Variants in AS3MT observed in about 807,000 individuals in gnomAD.
The protein encoded by AS3MT is S-adenosyl-L-methionine:arsenic(III) methyltransferase.
Under a neutral mutation model 45.3 loss-of-function variants are expected in AS3MT, and 47 were observed. That is an observed-to-expected ratio of 1.04 (90% CI 0.82 to 1.32). The LOEUF is 1.32. Ranked by LOEUF, AS3MT falls within the 40% of genes most tolerant of loss-of-function variation. The probability of loss-of-function intolerance (pLI) is 0.00; values close to 1 mark genes in which losing one functional copy is unlikely to be tolerated. For synonymous variants in AS3MT, 141 were observed against 152.8 expected, an observed-to-expected ratio of 0.92 and a Z score of 0.57; for missense variants, 396 against 451.1, an observed-to-expected ratio of 0.88 and a Z score of 1.11.
intron 7 of AS3MT, 69 bp from the exon 8 acceptor site, chr10:102,878,310 G>A (rs1210464545): frequency 6.4e-7 from 1 of 1,561,802 alleles, no homozygotes; most frequent in African/African-American, 1.4e-5. Context: ...TTATATAGAA[G>A]AATAGTTCCC....
rs768492742 is a variant in AS3MT at position 102,871,748 on chromosome 10, AAACAAAAC to A, written c.171-697_171-690del. On this transcript the variant is annotated intron_variant, in intron 3 of 10. Coordinates refer to ENST00000369880, the MANE Select transcript of AS3MT (RefSeq NM_020682.4). ...GTCTCAAACAAAACAAAACAAAACA[AAACAAAAC>A]AAATCAAAACAAAAAACGCCTATGG... Among the ~76,000 whole-genome samples, 1,240 of 151,724 alleles carry A rather than the reference AAACAAAAC, an allele frequency of 8.2e-3. 60 individuals are homozygous for A. The highest frequency in any genetic ancestry group is 0.074 in the Admixed American group (1,125 of 15,164).
chr10:102,879,878 T>C (rs895345600), intron 9 of AS3MT, among the ~76,000 whole-genome samples: 4 of 143,050 alleles, frequency 2.8e-5, no homozygotes, highest in Admixed American at 7.2e-5. Context: ...TTTTCCATGT[T>C]TGTGTGTTTA....
At chr10:102,895,347 C>T (rs1356118040) in intron 10 of AS3MT, among the ~76,000 whole-genome samples, 9 of 151,456 alleles carry the variant, frequency 5.9e-5, no homozygotes, top group African/African-American at 2.2e-4. Flanking sequence ...ACAGGTGCGC[C>T]AGCCACCATG....
chr10:102,879,596 T>C (rs959589903), intron 9 of AS3MT, among the ~76,000 whole-genome samples: 1 of 151,666 alleles, frequency 6.6e-6, no homozygotes, highest in Non-Finnish European at 1.5e-5. Context: ...CGAAAACCCA[T>C]CTCTACTAAT....
At chr10:102,891,948 CAAAAAAA>C (rs57594880) in intron 10 of AS3MT, among the ~76,000 whole-genome samples, 6 of 57,862 alleles carry the variant, frequency 1.0e-4, no homozygotes, top group Non-Finnish European at 1.8e-4. Flanking sequence ...GACTCTGTCT[CAAAAAAA>C]AAAAAAAAAA....
intron 10 of AS3MT, among the ~76,000 whole-genome samples, chr10:102,899,327 G>A (rs1488154240): frequency 1.3e-5 from 2 of 152,112 alleles, no homozygotes; most frequent in African/African-American, 2.4e-5. Flanking sequence ...AGGAGTTCCA[G>A]TATACTGAGA....
chr10:102,877,460 A>G (rs1462096902), intron 7 of AS3MT, among the ~76,000 whole-genome samples: 1 of 151,686 alleles, frequency 6.6e-6, no homozygotes, highest in Non-Finnish European at 1.5e-5. Context: ...CATGCTTTTC[A>G]TCAGTCTATG....
In AS3MT at chr10:102,870,154, C is replaced by T; in HGVS notation, c.113C>T (p.Pro38Leu). 6.2e-7 allele frequency: 1 copy of T among 1,614,194 alleles called. No homozygotes were observed. Among genetic ancestry groups the T allele is most frequent in the South Asian group, 1.1e-5 (1 of 91,082 alleles). ...QTNGCVTTAR[P>L]VPKHIREALQ... ...AACGGCTGTGTCACCACAGCCAGGC[C>T]GGTCCCCAAGCACATCCGGGAAGCC... The change falls in exon 3 of 11, where the codon CCG becomes CTG. Residue 38 changes from proline to leucine, a missense_variant. By Grantham distance (98) the Pro-to-Leu change is moderately conservative. Coordinates refer to ENST00000369880, the MANE Select transcript of AS3MT (RefSeq NM_020682.4).
chr10:102,896,005 A>T (rs1845162962), intron 10 of AS3MT, among the ~76,000 whole-genome samples: 2 of 151,664 alleles, frequency 1.3e-5, no homozygotes, highest in Non-Finnish European at 2.9e-5. Context: ...CAAACTCCTG[A>T]CCTCAGGTAA....
intron 9 of AS3MT, among the ~76,000 whole-genome samples, chr10:102,884,768 A>G (rs762607514): frequency 2.6e-5 from 4 of 152,096 alleles, no homozygotes; most frequent in Non-Finnish European, 5.9e-5. Context: ...GCTGGTCTCT[A>G]ACTCCTGACC....
Position 102,878,942 on chromosome 10 carries a change from T to A in AS3MT, c.836T>A (p.Ile279Asn), listed in dbSNP as rs1433440438. 8.7e-6 allele frequency: 14 copies of A among 1,613,768 alleles called. No homozygotes were observed. Among genetic ancestry groups the A allele is most frequent in the Non-Finnish European group, 1.2e-5 (14 of 1,179,744 alleles). Residue 279 changes from isoleucine (I) to asparagine (N), a missense_variant, in exon 9 of 11, where the codon ATT becomes AAT. Physicochemically the swap from Ile to Asn is moderately radical, Grantham distance 149 (BLOSUM62 -3). Transcript: ENST00000369880. The part of the protein sequence containing the change: ...KRCQVIYNGG[I>N]TGHEKELMFD... ...TGCCAAGTTATTTACAATGGAGGAA[T>A]TACAGGACATGAAAAAGAACTAATG...
chr10:102,900,710 C>A lies in AS3MT; in HGVS notation c.*10C>A. On this transcript the variant is annotated 3_prime_UTR_variant, in exon 11 of 11. Transcript: ENST00000369880. Reference sequence around the variant, plus strand: ...AAAGAAAAGCTGCTAAATCTATAGCCAACCAGGGGACCACAGTAGTGGGCA... The same window carrying A: ...AAAGAAAAGCTGCTAAATCTATAGCAAACCAGGGGACCACAGTAGTGGGCA... 1 of 1,603,830 alleles carries A rather than the reference C, an allele frequency of 6.2e-7. No individual in the cohort carries two copies. Among genetic ancestry groups the A allele is most frequent in the Non-Finnish European group, 8.5e-7 (1 of 1,170,708 alleles).
At chr10:102,899,365 T>C (rs976060272) in intron 10 of AS3MT, among the ~76,000 whole-genome samples, 30 of 152,166 alleles carry the variant, frequency 2.0e-4, no homozygotes, top group Non-Finnish European at 4.4e-5. Flanking sequence ...TGTGAAGTCC[T>C]AGCAGTAGCA....
At position 102,881,725 on chromosome 10, in the gene AS3MT, T is replaced by C. The variant is rs1305567583; in HGVS notation, c.885+2734T>C. 6.6e-6 allele frequency among the ~76,000 whole-genome samples: 1 copy of C among 152,036 alleles called. No homozygotes were observed. The highest frequency in any genetic ancestry group is 6.6e-5 in the Admixed American group (1 of 15,266). Reference sequence around the variant, plus strand: ...GAAGAACTTACTATTAATATTTCATTTTTCTGATTTATTTATTTATCTATT... The same window carrying C: ...GAAGAACTTACTATTAATATTTCATCTTTCTGATTTATTTATTTATCTATT... On this transcript the variant is annotated intron_variant, in intron 9 of 10. Coordinates refer to ENST00000369880, the MANE Select transcript of AS3MT (RefSeq NM_020682.4). The surrounding 1 kb of genome is among the most constrained non-coding windows in gnomAD (Gnocchi z 4.2).
intron 10 of AS3MT, among the ~76,000 whole-genome samples, chr10:102,899,038 T>C (rs1444623352): frequency 6.6e-6 from 1 of 152,226 alleles, no homozygotes; most frequent in Non-Finnish European, 1.5e-5. Flanking sequence ...ACTAGAAGCA[T>C]GCATTTAGAA....
At chr10:102,875,585 G>A (rs1276186707) in intron 6 of AS3MT, among the ~76,000 whole-genome samples, 1 of 151,174 alleles carries the variant, frequency 6.6e-6, no homozygotes, top group Non-Finnish European at 1.5e-5. Context: ...TGGAGTTTGT[G>A]TGCAGCTTGG....
At position 102,872,495 on chromosome 10, in the gene AS3MT, G is replaced by A; in HGVS notation, c.218G>A (p.Trp73Ter). The A allele has an allele frequency of 1.9e-6, 3 of 1,614,066 alleles. No homozygotes were observed. The highest frequency in any genetic ancestry group is 2.5e-6 in the Non-Finnish European group (3 of 1,180,006). The change falls in exon 4 of 11, where the codon TGG becomes TAG. Residue 73 changes from tryptophan to a stop codon, truncating the protein, a stop_gained. Transcript: ENST00000369880. LOFTEE classifies it high-confidence loss of function. Reference sequence around the variant, plus strand: ...ATCCCTGAGCATCTAGAAAACTGCTGGATTTTGGATCTGGGTAGTGGAAGT... The same window carrying A: ...ATCCCTGAGCATCTAGAAAACTGCTAGATTTTGGATCTGGGTAGTGGAAGT... ...LVIPEHLENC[W>*]ILDLGSGSGR...
rs187493413 is a variant in AS3MT, at chr10:102,894,154, G to A, written c.1020+3476G>A. Among the ~76,000 whole-genome samples, 406 of 152,086 alleles carry A rather than the reference G, an allele frequency of 2.7e-3. 2 individuals carry two copies. Among genetic ancestry groups the A allele is most frequent in the African/African-American group, 9.4e-3 (390 of 41,516 alleles). Reference sequence around the variant, plus strand: ...AAAAATAAAATTCTAGGCCGGGCGCGGTGGCTCACACCTGTAATCCCAGCA... The same window carrying A: ...AAAAATAAAATTCTAGGCCGGGCGCAGTGGCTCACACCTGTAATCCCAGCA... On this transcript the variant is annotated intron_variant, in intron 10 of 10. Transcript: ENST00000369880.
chr10:102,870,814 T>C (rs985177333), intron 3 of AS3MT, among the ~76,000 whole-genome samples: 2 of 152,218 alleles, frequency 1.3e-5, no homozygotes. Flanking sequence ...ACCACGCTGC[T>C]GTCCCACCTA....
Sources: gnomAD v4.1 joint callset for allele counts (sites outside exome capture counted in the v4.1 genomes callset) on GRCh38, gnomAD v4.1.1 for gene constraint, Gnocchi (gnomAD v3.1) non-coding constraint, MANE v1.5 for transcripts, NCBI Gene and HGNC (gene_info 2026-07-23, HGNC 2026-07-21) for gene names.